Variants in EXOG observed in about 807,000 individuals in gnomAD.
The protein encoded by EXOG is exo/endonuclease G, also known as nuclease EXOG, mitochondrial.
A neutral mutation model predicts 25.8 loss-of-function variants in EXOG; 27 were observed. That is an observed-to-expected ratio of 1.05 (90% CI 0.77 to 1.45). The LOEUF is 1.45. EXOG is among the 40% of genes most tolerant of loss of function. EXOG has a pLI of 0.00. For synonymous variants in EXOG, 133 were observed against 167.0 expected, an observed-to-expected ratio of 0.80 and a Z score of 1.57; for missense variants, 458 against 450.5, an observed-to-expected ratio of 1.02 and a Z score of -0.15.
chr3:38,507,467 C>G (rs1161102724), intron 5 of EXOG, among the ~76,000 whole-genome samples: 1 of 152,102 alleles, frequency 6.6e-6, no homozygotes, highest in Non-Finnish European at 1.5e-5. Flanking sequence ...AAAATTGGAG[C>G]TTATGGTACA....
Position 38,497,620 on chromosome 3 carries a change from C to CTTTT in EXOG, c.164-9_164-8insTTTT. On this transcript the variant is annotated splice_polypyrimidine_tract_variant and intron_variant, in intron 1 of 5. Transcript: ENST00000287675. ...CTGCCCCCCCTTTTTTTTTTTTTTT[C>CTTTT]ATTTTTAGGATCTGCAGAAAAGGCT... 1.1e-6 allele frequency: 1 copy of CTTTT among 919,710 alleles called. No individual in the cohort carries two copies. The highest frequency in any genetic ancestry group is 1.4e-6 in the Non-Finnish European group (1 of 722,266). The allele number at this position is 919,710 out of a possible 1,614,324, so 57.0% of individuals were successfully genotyped here. A position where few individuals can be genotyped will look rare whatever the true frequency, so the allele number is the denominator to read the frequency against.
intron 1 of EXOG, chr3:38,496,837 A>C: frequency 7.4e-7 from 1 of 1,355,826 alleles, no homozygotes; most frequent in Non-Finnish European, 9.7e-7. Flanking sequence ...TGTGTTCTCT[A>C]CTAAGATTGT....
intron 5 of EXOG, among the ~76,000 whole-genome samples, chr3:38,517,625 G>T (rs1286493090): frequency 6.6e-6 from 1 of 152,208 alleles, no homozygotes; most frequent in Non-Finnish European, 1.5e-5. Flanking sequence ...CCCAAAGCTC[G>T]TAGTATATGG....
chr3:38,508,092 C>T (rs1408234891), intron 5 of EXOG, among the ~76,000 whole-genome samples: 2 of 152,124 alleles, frequency 1.3e-5, no homozygotes, highest in African/African-American at 4.8e-5. Context: ...GATCGCACCA[C>T]TGCACTCCAG....
chr3:38,523,317 C>T, intron 5 of EXOG: 1 of 1,276,592 alleles, frequency 7.8e-7, no homozygotes, highest in Non-Finnish European at 1.0e-6. Flanking sequence ...GTCCTTTGTC[C>T]TACAAACAGA....
intron 5 of EXOG, among the ~76,000 whole-genome samples, chr3:38,514,834 G>A (rs1259617998): frequency 3.4e-5 from 5 of 145,000 alleles, no homozygotes; most frequent in African/African-American, 1.3e-4. Context: ...GCAGTGGTGC[G>A]ATCTTGGCTC....
intron 5 of EXOG, among the ~76,000 whole-genome samples, chr3:38,519,900 C>T (rs564102831): frequency 6.6e-6 from 1 of 152,220 alleles, no homozygotes; most frequent in South Asian, 2.1e-4. Flanking sequence ...CCTTCCCCCC[C>T]TCAGGTTCGG....
At chr3:38,507,001 C>T (rs562898045) in intron 5 of EXOG, 33 bp downstream of exon 5, 2 of 920,138 alleles carry the variant, frequency 2.2e-6, no homozygotes, top group East Asian at 4.9e-5. Context: ...TTTATGTTAT[C>T]TGTATGAGAT....
intron 5 of EXOG, among the ~76,000 whole-genome samples, chr3:38,514,300 A>G (rs979916363): frequency 1.3e-5 from 2 of 152,232 alleles, no homozygotes; most frequent in Non-Finnish European, 2.9e-5. Context: ...AATTGTCTAC[A>G]TGAGAAATAA....
chr3:38,511,879 T>C (rs1318179264), intron 5 of EXOG, among the ~76,000 whole-genome samples: 2 of 152,212 alleles, frequency 1.3e-5, no homozygotes, highest in East Asian at 1.9e-4. Flanking sequence ...AGTTAGCACA[T>C]AGGAAATGTT....
chr3:38,517,830 T>C (rs2060595358), intron 5 of EXOG, among the ~76,000 whole-genome samples: 1 of 152,246 alleles, frequency 6.6e-6, no homozygotes, highest in Admixed American at 6.5e-5. Flanking sequence ...ATATGGTTTT[T>C]CAGTTTTCTC....
At chr3:38,515,316 G>C (rs548640744) in intron 5 of EXOG, 2 of 152,416 alleles carry the variant, frequency 1.3e-5, no homozygotes, top group African/African-American at 2.4e-5. Context: ...GAGAAGAAGA[G>C]GATTATGAGG....
At chr3:38,506,570 A>G (rs542374730) in intron 4 of EXOG, among the ~76,000 whole-genome samples, 4 of 152,254 alleles carry the variant, frequency 2.6e-5, no homozygotes, top group Non-Finnish European at 5.9e-5. Flanking sequence ...ATGGCATAAA[A>G]AAAGTTTTAA....
chr3:38,512,288 A>G (rs773210892), intron 5 of EXOG, among the ~76,000 whole-genome samples: 1 of 152,216 alleles, frequency 6.6e-6, no homozygotes, highest in Admixed American at 6.5e-5. Context: ...AAAATGCTAA[A>G]TCTTAAAACA....
intron 3 of EXOG, among the ~76,000 whole-genome samples, chr3:38,503,222 T>A (rs999963279): frequency 3.9e-5 from 6 of 152,244 alleles, no homozygotes; most frequent in Non-Finnish European, 8.8e-5. Flanking sequence ...ACGTTTTCTC[T>A]GCCACTTTTG....
intron 5 of EXOG, among the ~76,000 whole-genome samples, chr3:38,507,793 A>G (rs773076625): frequency 1.1e-4 from 16 of 152,174 alleles, no homozygotes; most frequent in Non-Finnish European, 1.9e-4. Flanking sequence ...GTAACCATGA[A>G]TAAATAACTT....
In EXOG at chr3:38,496,366, A is replaced by G. The variant is rs763363128; in HGVS notation, c.-2A>G. 1.2e-5 allele frequency: 20 copies of G among 1,612,542 alleles called. No homozygotes were observed. The highest frequency in any genetic ancestry group is 1.5e-5 in the Non-Finnish European group (18 of 1,179,198). On this transcript the variant is annotated 5_prime_UTR_variant, in exon 1 of 6. Coordinates refer to ENST00000287675, the MANE Select transcript of EXOG (RefSeq NM_005107.4). ...TGGTAAAAGGCCGGTACCTCGGGCA[A>G]GATGGCTATCAAGAGTATCGCTTCC...
chr3:38,501,454 G>C lies in EXOG; in HGVS notation c.413G>C (p.Arg138Pro). 2 of 1,614,028 alleles carry C rather than the reference G, an allele frequency of 1.2e-6. No individual in the cohort carries two copies. The highest frequency in any genetic ancestry group is 1.7e-6 in the Non-Finnish European group (2 of 1,179,934). ...GATTATGTTGGAAGTGGGTGGTCAC[G>C]AGGACACATGGCTCCAGCAGGAAAT... Reference protein sequence around the residue: ...NEDYVGSGWSRGHMAPAGNNK... With the variant: ...NEDYVGSGWSPGHMAPAGNNK... Residue 138 changes from arginine (R) to proline (P), a missense_variant, in exon 3 of 6, where the codon CGA becomes CCA. Coordinates refer to ENST00000287675, the MANE Select transcript of EXOG (RefSeq NM_005107.4).
At chr3:38,513,740 T>G (rs1436797796) in intron 5 of EXOG, 1 of 152,228 alleles carries the variant, frequency 6.6e-6, no homozygotes, top group Non-Finnish European at 1.5e-5. Context: ...TCCTTCCTTT[T>G]ATTCAACAGA....
Sources: allele counts gnomAD v4.1 joint callset (sites outside exome capture counted in the v4.1 genomes callset), GRCh38; gene constraint gnomAD v4.1.1; transcripts MANE v1.5; gene names NCBI Gene and HGNC (gene_info 2026-07-23, HGNC 2026-07-21).